Variants in ERVFRD-1 observed in about 807,000 individuals in gnomAD.
ERVFRD-1 encodes endogenous retrovirus group FRD member 1, envelope, also known as syncytin-2.
A neutral mutation model predicts 43.8 loss-of-function variants in ERVFRD-1; 33 were observed. That is an observed-to-expected ratio of 0.75 (90% confidence interval 0.57 to 1.01). The LOEUF (loss-of-function observed/expected upper bound fraction) is 1.01. ERVFRD-1 is among the 50% of genes least tolerant of loss of function. The pLI, the probability that ERVFRD-1 is intolerant of heterozygous loss-of-function variation, is 0.00. For synonymous variants in ERVFRD-1, 239 were observed against 244.4 expected (o/e 0.98, Z 0.21); for missense variants, 568 against 658.4 (o/e 0.86, Z 1.50).
chr6:11,105,314 G>T lies in ERVFRD-1; in HGVS notation c.-4C>A. 4 of 1,602,616 alleles carry T rather than the reference G, an allele frequency of 2.5e-6. No homozygotes were observed. Among genetic ancestry groups the T allele is most frequent in the South Asian group, 2.2e-5 (2 of 90,010 alleles). On this transcript the variant is annotated 5_prime_UTR_variant, in exon 2 of 2. Transcript: ENST00000472091. ...GAACCAGCAGGAGCAGGCCCATGGT[G>T]ACCTAAGAGAAACTGGTCACAAAAC...
Position 11,104,576 on chromosome 6 carries a change from T to C in ERVFRD-1, c.735A>G (p.Gly245=). The change falls in exon 2 of 2, where the codon GGA becomes GGG. Residue 245 remains glycine, a synonymous_variant. Coordinates refer to ENST00000472091, the MANE Select transcript of ERVFRD-1 (RefSeq NM_207582.3). ...CGCAGGGTGTTTGGCTCTGGTTAGC[T>C]CCCTTGGTTTTATTTTCCCAAAAAA... The part of the protein sequence containing the change: ...NSLFWENKTK[G]ANQSQTPCVQ... 1 of 1,611,676 alleles carries C rather than the reference T, an allele frequency of 6.2e-7. No homozygotes were observed. The highest frequency in any genetic ancestry group is 8.5e-7 in the Non-Finnish European group (1 of 1,178,702).
At chr6:11,107,784 A>G (rs945145760) in intron 1 of ERVFRD-1, among the ~76,000 whole-genome samples, 16 of 152,176 alleles carry the variant, frequency 1.1e-4, no homozygotes, top group Admixed American at 1.0e-3. Context: ...TTAACAGGTA[A>G]GATGGGGTGT....
chr6:11,107,642 A>G (rs529119041), intron 1 of ERVFRD-1, among the ~76,000 whole-genome samples: 2 of 152,308 alleles, frequency 1.3e-5, no homozygotes, highest in Non-Finnish European at 1.5e-5. Context: ...AAGGTCTAAG[A>G]CTGGAAACCA....
rs1175025317 is a variant in ERVFRD-1, at chr6:11,104,980, C to T, written c.331G>A (p.Gly111Arg). The change falls in exon 2 of 2, where the codon GGA becomes AGA. Residue 111 changes from glycine (G) to arginine (R), a missense_variant. By Grantham distance (125) the Gly-to-Arg change is moderately radical. Coordinates refer to ENST00000472091, the MANE Select transcript of ERVFRD-1 (RefSeq NM_207582.3). ...AGGTTGATATTAGTAAAGATGGGTC[C>T]GAAAATGGGAGGTTTCTGGCGGATA... ...PDIRQKPPIF[G>R]PIFTNINLMG... The T allele has an allele frequency of 5.0e-6, 8 of 1,613,920 alleles. No homozygotes were observed. Among genetic ancestry groups the T allele is most frequent in the South Asian group, 2.2e-5 (2 of 91,078 alleles).
Position 11,104,986 on chromosome 6 carries a change from T to C in ERVFRD-1, c.325A>G (p.Ile109Val). Residue 109 changes from isoleucine (I) to valine (V), a missense_variant, in exon 2 of 2, where the codon ATT (isoleucine) becomes GTT (valine). Ile to Val is a conservative substitution (Grantham distance 29). Transcript: ENST00000472091. ...ATATTAGTAAAGATGGGTCCGAAAA[T>C]GGGAGGTTTCTGGCGGATATCAGGG... is the stretch of plus-strand genomic sequence containing the variant. The part of the protein sequence containing the change: ...DFPDIRQKPP[I>V]FGPIFTNINL... The C allele has an allele frequency of 6.2e-7, 1 of 1,614,102 alleles. No individual in the cohort carries two copies. Among genetic ancestry groups the C allele is most frequent in the South Asian group, 1.1e-5 (1 of 91,078 alleles).
chr6:11,111,514 C>A (rs1004915027), intron 1 of ERVFRD-1, among the ~76,000 whole-genome samples, 163 bp downstream of exon 1: 1 of 152,092 alleles, frequency 6.6e-6, no homozygotes, highest in Non-Finnish European at 1.5e-5. Flanking sequence ...AGCCATCCTT[C>A]GGGGTGAGCA....
Position 11,105,360 on chromosome 6 carries a change from G to A in ERVFRD-1, c.-50C>T, listed in dbSNP as rs753631969. ...AAAACGAGCTGCCAATGGAACTCCT[G>A]GTGGTGTACAAGTTAGGGTTAAAAT... On this transcript the variant is annotated 5_prime_UTR_variant, in exon 2 of 2. Transcript: ENST00000472091. 29 of 1,412,212 alleles carry A rather than the reference G, an allele frequency of 2.1e-5. No individual in the cohort carries two copies. In the East Asian group the frequency reaches 6.4e-4, roughly 31 times the overall value. 87.5% of individuals were successfully genotyped at this position (1,412,212 alleles called of 1,614,324 possible). A position where few individuals can be genotyped will look rare whatever the true frequency, so the allele number is the denominator to read the frequency against.
In ERVFRD-1 at chr6:11,104,190, A is replaced by G; in HGVS notation, c.1121T>C (p.Ile374Thr). The G allele has an allele frequency of 6.4e-7, 1 of 1,551,650 alleles. No homozygotes were observed. The highest frequency in any genetic ancestry group is 2.4e-5 in the East Asian group (1 of 40,920). The change falls in exon 2 of 2, where the codon ATC becomes ACC. Residue 374 changes from isoleucine to threonine, a missense_variant. Physicochemically the swap from Ile to Thr is moderately conservative, Grantham distance 89. Coordinates refer to ENST00000472091, the MANE Select transcript of ERVFRD-1 (RefSeq NM_207582.3). ...GCTATAGGTGAGGGAAGCTTTTGTG[A>G]TTCCAGCAATTCCGGTTCCCGTACC... The part of the protein sequence containing the change: ...LAGTGTGIAG[I>T]TKASLTYSQL...
intron 1 of ERVFRD-1, among the ~76,000 whole-genome samples, chr6:11,109,152 T>C (rs1405328641): frequency 6.6e-6 from 1 of 152,150 alleles, no homozygotes; most frequent in African/African-American, 2.4e-5. Context: ...CATAATGGAG[T>C]CACATTCTCC....
chr6:11,106,215 T>C (rs1758080575), intron 1 of ERVFRD-1, among the ~76,000 whole-genome samples: 2 of 152,202 alleles, frequency 1.3e-5, no homozygotes, highest in Non-Finnish European at 2.9e-5. Context: ...CCTGTGCCTT[T>C]TCAGTCCTTG....
chr6:11,111,608 G>A (rs1408630666), intron 1 of ERVFRD-1, 69 bp downstream of exon 1: 1 of 152,332 alleles, frequency 6.6e-6, no homozygotes, highest in Non-Finnish European at 1.5e-5. Flanking sequence ...GAGTGAAAGA[G>A]GAGAACGAAA....
chr6:11,104,622 A>G lies in ERVFRD-1; in HGVS notation c.689T>C (p.Leu230Ser). 4 of 1,614,224 alleles carry G rather than the reference A, an allele frequency of 2.5e-6. No individual in the cohort carries two copies. The highest frequency in any genetic ancestry group is 1.1e-5 in the South Asian group (1 of 91,086). Residue 230 changes from leucine (L) to serine (S), a missense_variant, in exon 2 of 2, where the codon TTG (leucine) becomes TCG (serine). Transcript: ENST00000472091. ...AAAAAGAGAATTTCGAGTTTGGTCC[A>G]ATAGAACCCATTCCGCTGTAGAGCT... ...NLSSTAEWVL[L>S]DQTRNSLFWE...
Position 11,103,361 on chromosome 6 carries a change from CCT to C in ERVFRD-1, c.*331_*332del, listed in dbSNP as rs1758027074. 1 of 259,370 alleles carries C rather than the reference CCT, an allele frequency of 3.9e-6. No homozygotes were observed. Among genetic ancestry groups the C allele is most frequent in the African/African-American group, 2.2e-5 (1 of 45,508 alleles). The allele number at this position is 259,370 out of a possible 1,614,324, so 16.1% of individuals were successfully genotyped here. On this transcript the variant is annotated 3_prime_UTR_variant, in exon 2 of 2. Transcript: ENST00000472091. ...TGTTAGAGACACAGCTTAACAACTG[CCT>C]CACCATCACCTGATGGTTGCCTGAC...
intron 1 of ERVFRD-1, among the ~76,000 whole-genome samples, chr6:11,110,900 C>T (rs1373842306): frequency 6.6e-6 from 1 of 152,146 alleles, no homozygotes; most frequent in Non-Finnish European, 1.5e-5. Context: ...TCCTTAAGGG[C>T]TACAGAGTGA....
rs528010611 is a variant in ERVFRD-1 at position 11,104,148 on chromosome 6, A to C, written c.1163T>G (p.Ile388Arg). ...SLTYSQLSKE[I>R]ANNIDTMAKA... is the part of the protein sequence containing the mutation. ...AGCCATGGTGTCAATGTTGTTGGCT[A>C]TTTCCTTTGAGAGCTGGCTATAGGT... is the stretch of plus-strand genomic sequence containing the variant. Residue 388 changes from isoleucine to arginine, a missense_variant, in exon 2 of 2, where the codon ATA becomes AGA. Physicochemically the swap from Ile to Arg is moderately conservative, Grantham distance 97. Transcript: ENST00000472091. 6 of 1,551,630 alleles carry C rather than the reference A, an allele frequency of 3.9e-6. No homozygotes were observed. Among genetic ancestry groups the C allele is most frequent in the Non-Finnish European group, 5.2e-6 (6 of 1,146,994 alleles).
chr6:11,107,779 A>G (rs945296481), intron 1 of ERVFRD-1, among the ~76,000 whole-genome samples: 3 of 152,178 alleles, frequency 2.0e-5, no homozygotes, highest in Admixed American at 2.0e-4. Flanking sequence ...TCTTTTTAAC[A>G]GGTAAGATGG....
In ERVFRD-1 at chr6:11,104,796, A is replaced by T. The variant is rs1758058924; in HGVS notation, c.515T>A (p.Phe172Tyr). ...THNQFRHQPR[F>Y]PKPPNITFPQ... is the part of the protein sequence containing the mutation. ...AAAAGTAATATTTGGAGGTTTGGGG[A>T]ATCTTGGTTGATGGCGGAATTGGTT... The change falls in exon 2 of 2, where the codon TTC becomes TAC. Residue 172 changes from phenylalanine to tyrosine, a missense_variant. Physicochemically the swap from Phe to Tyr is conservative, Grantham distance 22. Coordinates refer to ENST00000472091, the MANE Select transcript of ERVFRD-1 (RefSeq NM_207582.3). 1 of 1,614,054 alleles carries T rather than the reference A, an allele frequency of 6.2e-7. No homozygotes were observed. The highest frequency in any genetic ancestry group is 1.7e-5 in the Admixed American group (1 of 60,000).
At chr6:11,108,507 G>A (rs772967164) in intron 1 of ERVFRD-1, among the ~76,000 whole-genome samples, 4 of 152,274 alleles carry the variant, frequency 2.6e-5, no homozygotes, top group Middle Eastern at 3.4e-3. Flanking sequence ...AGAGCTGGGG[G>A]TGGGTGTCCC....
chr6:11,104,153 CT>C lies in ERVFRD-1; in HGVS notation c.1157del (p.Lys386ArgfsTer3). Reference sequence around the variant, plus strand: ...TGGTGTCAATGTTGTTGGCTATTTCCTTTGAGAGCTGGCTATAGGTGAGGGA... The same window carrying C: ...TGGTGTCAATGTTGTTGGCTATTTCCTTGAGAGCTGGCTATAGGTGAGGGA... ...KASLTYSQLS[K>X]EIANNIDTMA... On this transcript the variant is annotated frameshift_variant, in exon 2 of 2. Transcript: ENST00000472091. LOFTEE classifies it high-confidence loss of function. 1 of 1,551,708 alleles carries C rather than the reference CT, an allele frequency of 6.4e-7. No individual in the cohort carries two copies. Among genetic ancestry groups the C allele is most frequent in the Non-Finnish European group, 8.7e-7 (1 of 1,146,994 alleles).
Sources: gnomAD v4.1 joint callset for allele counts (sites outside exome capture counted in the v4.1 genomes callset) on GRCh38, gnomAD v4.1.1 for gene constraint, MANE v1.5 for transcripts, NCBI Gene and HGNC (gene_info 2026-07-23, HGNC 2026-07-21) for gene names.